Variants in PPP1R12A observed in about 807,000 individuals in gnomAD.
PPP1R12A encodes the protein protein phosphatase 1 regulatory subunit 12A, also known as myosin binding subunit.
PPP1R12A carries 19 observed loss-of-function variants against 139.6 expected under a neutral mutation model. That is an observed-to-expected ratio of 0.14 (90% CI 0.09 to 0.20). The LOEUF (loss-of-function observed/expected upper bound fraction) is 0.20, where lower values mean the gene tolerates loss of function less well. Ranked by LOEUF, PPP1R12A falls within the 10% of genes least tolerant of loss-of-function variation. PPP1R12A has a pLI of 1.00. For synonymous variants in PPP1R12A, 427 were observed against 420.6 expected (o/e 1.02, Z -0.19); for missense variants, 925 against 1,211.5 (o/e 0.76, Z 3.51).
chr12:79,881,613 G>T (rs369324377), intron 1 of PPP1R12A, among the ~76,000 whole-genome samples: 33 of 152,314 alleles, frequency 2.2e-4, no homozygotes, highest in African/African-American at 7.7e-4. Flanking sequence ...GAAGCAGCAA[G>T]TGCTGATGGA....
At chr12:79,828,528 GCTAT>G (rs1401490054) in intron 4 of PPP1R12A, 64 bp from the exon 5 acceptor site, 17 of 1,275,052 alleles carry the variant, frequency 1.3e-5, no homozygotes, top group Middle Eastern at 2.1e-4. Context: ...ATGATCAAAA[GCTAT>G]CTATCATGCA....
In PPP1R12A at chr12:79,812,389, TGC is replaced by T. The variant is rs1230414845; in HGVS notation, c.1240-2381_1240-2380del. On this transcript the variant is annotated intron_variant, in intron 9 of 24. Transcript: ENST00000450142. Reference sequence around the variant, plus strand: ...TCCTTTTCTTGACTGACTCTGTGTGTGCGTGTGTGTGTGTGTGTGTGTGTGTG... The same window carrying T: ...TCCTTTTCTTGACTGACTCTGTGTGTGTGTGTGTGTGTGTGTGTGTGTGTG... 2.7e-4 allele frequency among the ~76,000 whole-genome samples: 16 copies of T among 58,302 alleles called. No individual in the cohort carries two copies. The East Asian group carries it at 3.4e-3, about 12-fold the overall frequency. 38.2% of individuals were successfully genotyped at this position (58,302 alleles called of 152,430 possible).
At chr12:79,890,803 T>A (rs956874393) in intron 1 of PPP1R12A, among the ~76,000 whole-genome samples, 4 of 151,646 alleles carry the variant, frequency 2.6e-5, no homozygotes. Flanking sequence ...CATAGATAAA[T>A]TTCTAATATT....
At chr12:79,905,110 T>C (rs1214497545) in intron 1 of PPP1R12A, among the ~76,000 whole-genome samples, 1 of 152,208 alleles carries the variant, frequency 6.6e-6, no homozygotes, top group East Asian at 1.9e-4. Context: ...ATTCTATTCA[T>C]GTTTTACTAT....
intron 1 of PPP1R12A, among the ~76,000 whole-genome samples, chr12:79,887,076 G>T (rs1160812129): frequency 1.3e-5 from 2 of 152,114 alleles, no homozygotes; most frequent in Non-Finnish European, 2.9e-5. Flanking sequence ...AATGCAGTAA[G>T]TCATTCATTT....
chr12:79,801,783 T>G (rs1873214670), intron 14 of PPP1R12A, among the ~76,000 whole-genome samples: 1 of 152,192 alleles, frequency 6.6e-6, no homozygotes, highest in Admixed American at 6.5e-5. Context: ...ATTTCATCAA[T>G]TAACTCTTAC....
At position 79,814,586 on chromosome 12, in the gene PPP1R12A, C is replaced by T. The variant is rs564220416; in HGVS notation, c.1239+2808G>A. Among the ~76,000 whole-genome samples the T allele has an allele frequency of 4.7e-5, 7 of 147,620 alleles. No homozygotes were observed. In the East Asian group the frequency reaches 6.0e-4, roughly 13 times the overall value. On this transcript the variant is annotated intron_variant, in intron 9 of 24. Transcript: ENST00000450142. ...ATCCTAGCACTTTGCAAGGCCGAGA[C>T]GGGTGGATCACCTGAGGTCAGGAGT...
At chr12:79,784,677 C>T (rs1870891097) in intron 22 of PPP1R12A, among the ~76,000 whole-genome samples, 1 of 152,086 alleles carries the variant, frequency 6.6e-6, no homozygotes, top group African/African-American at 2.4e-5. Flanking sequence ...TGCTCTGTCA[C>T]CCAGGCTGGA....
intron 4 of PPP1R12A, among the ~76,000 whole-genome samples, chr12:79,830,325 C>T (rs1877266801): frequency 6.6e-6 from 1 of 151,748 alleles, no homozygotes; most frequent in African/African-American, 2.4e-5. Context: ...CATAATATAC[C>T]CTAGTGTTCT....
chr12:79,835,482 A>G (rs1565768015), intron 3 of PPP1R12A, among the ~76,000 whole-genome samples: 1 of 152,140 alleles, frequency 6.6e-6, no homozygotes, highest in Non-Finnish European at 1.5e-5. Flanking sequence ...ATTAGTTACC[A>G]GATTTGGAGT....
At chr12:79,926,482 T>C (rs1481396040) in intron 1 of PPP1R12A, among the ~76,000 whole-genome samples, 1 of 152,206 alleles carries the variant, frequency 6.6e-6, no homozygotes, top group East Asian at 1.9e-4. Flanking sequence ...TGAGCCACCA[T>C]ACCCAGCCAC....
At chr12:79,916,847 CCA>C (rs1412897479) in intron 1 of PPP1R12A, among the ~76,000 whole-genome samples, 4 of 152,058 alleles carry the variant, frequency 2.6e-5, no homozygotes, top group Non-Finnish European at 5.9e-5. Context: ...TATATTTAAT[CCA>C]TAAAATATTA....
chr12:79,801,734 T>C (rs1165930571), intron 14 of PPP1R12A, among the ~76,000 whole-genome samples: 1 of 152,198 alleles, frequency 6.6e-6, no homozygotes, highest in African/African-American at 2.4e-5. Context: ...AACCCTAAGA[T>C]GACCAGGTAA....
intron 23 of PPP1R12A, among the ~76,000 whole-genome samples, chr12:79,781,348 T>A (rs757065950): frequency 2.0e-5 from 3 of 152,142 alleles, no homozygotes; most frequent in South Asian, 2.1e-4. Context: ...CTCAAAATTT[T>A]AAAAAATTAT....
chr12:79,819,144 T>TAC (rs1434714110), intron 8 of PPP1R12A: 3 of 152,142 alleles, frequency 2.0e-5, no homozygotes, highest in Non-Finnish European at 4.4e-5. Context: ...AGAAACTGAG[T>TAC]AGAGAGCAAT....
chr12:79,834,466 T>A (rs567300948), intron 3 of PPP1R12A, among the ~76,000 whole-genome samples: 2 of 152,246 alleles, frequency 1.3e-5, no homozygotes, highest in African/African-American at 4.8e-5. Context: ...GGCAAGCAAT[T>A]ATGGTAACTT....
intron 1 of PPP1R12A, among the ~76,000 whole-genome samples, chr12:79,892,187 T>C (rs1884712621): frequency 6.6e-6 from 1 of 152,228 alleles, no homozygotes; most frequent in African/African-American, 2.4e-5. Flanking sequence ...TCTTTTCTCC[T>C]GTATTTTCAC....
intron 1 of PPP1R12A, among the ~76,000 whole-genome samples, chr12:79,892,678 C>T (rs1884765686): frequency 6.6e-6 from 1 of 152,056 alleles, no homozygotes; most frequent in South Asian, 2.1e-4. Context: ...ATAAGAACAC[C>T]TGAATTTTTA....
At chr12:79,888,911 C>G (rs1884348789) in intron 1 of PPP1R12A, among the ~76,000 whole-genome samples, 1 of 152,176 alleles carries the variant, frequency 6.6e-6, no homozygotes, top group African/African-American at 2.4e-5. Context: ...TTCTATCTAT[C>G]AAAATTCAAA....
Sources: gnomAD v4.1 joint callset for allele counts (sites outside exome capture counted in the v4.1 genomes callset) on GRCh38, gnomAD v4.1.1 for gene constraint, MANE v1.5 for transcripts, NCBI Gene and HGNC (gene_info 2026-07-23, HGNC 2026-07-21) for gene names.